The following RABGAP1 variants were observed in gnomAD, a reference collection of about 807,000 sequenced individuals.
RABGAP1 encodes RAB GTPase activating protein 1, also known as rab GTPase-activating protein 1.
Under a neutral mutation model 137.6 loss-of-function variants are expected in RABGAP1, and 23 were observed. The ratio of observed to expected loss-of-function variants is 0.17; its 90% confidence interval spans 0.12 to 0.24. The LOEUF (loss-of-function observed/expected upper bound fraction) is 0.24, where lower values mean the gene tolerates loss of function less well. Among genes scored for constraint, RABGAP1 ranks in the 10% least tolerant of loss-of-function variants. RABGAP1 has a pLI of 1.00. For missense variants in RABGAP1, 906 were observed against 1,275.8 expected (o/e 0.71, Z 4.42); for synonymous variants, 451 against 450.7 (o/e 1.00, Z -0.01).
At chr9:122,956,737 C>G (rs1343032587) in intron 1 of RABGAP1, among the ~76,000 whole-genome samples, 1 of 151,498 alleles carries the variant, frequency 6.6e-6, no homozygotes, top group Non-Finnish European at 1.5e-5. Flanking sequence ...TGCAACTTAG[C>G]CCAAAGAAAT....
chr9:123,070,444 T>C lies in RABGAP1; in HGVS notation c.1983+20T>C. 6.2e-7 allele frequency: 1 copy of C among 1,614,016 alleles called. No homozygotes were observed. The highest frequency in any genetic ancestry group is 8.5e-7 in the Non-Finnish European group (1 of 1,179,934). On this transcript the variant is annotated intron_variant, in intron 15 of 25. Transcript: ENST00000373647. The surrounding 1 kb of genome is among the most constrained non-coding windows in gnomAD (Gnocchi z 4.4). Reference sequence around the variant, plus strand: ...CTCCATGTGAGTAATTAGGTCTCTGTTATGACTTAACACATGGCCTCCCTC... The same window carrying C: ...CTCCATGTGAGTAATTAGGTCTCTGCTATGACTTAACACATGGCCTCCCTC...
Position 123,103,582 on chromosome 9 carries a change from AATATACAT to A in RABGAP1, c.*375_*382del, listed in dbSNP as rs1161328357. 1.3e-4 allele frequency: 5 copies of A among 38,090 alleles called. No individual in the cohort carries two copies. The highest frequency in any genetic ancestry group is 1.6e-4 in the African/African-American group (2 of 12,290). The allele number at this position is 38,090 out of a possible 1,614,324, so 2.4% of individuals were successfully genotyped here. A position where few individuals can be genotyped will look rare whatever the true frequency, so the allele number is the denominator to read the frequency against. The stretch of plus-strand genomic sequence containing the variant: ...TTTTTTTTCTAAACCTTTTTTTTTT[AATATACAT>A]ATATATATATATATATATATATATA... On this transcript the variant is annotated 3_prime_UTR_variant, in exon 26 of 26. Coordinates refer to ENST00000373647, the MANE Select transcript of RABGAP1 (RefSeq NM_012197.4).
At chr9:122,940,891 C>G (rs1332277546), upstream of RABGAP1, 1 of 152,320 alleles carries the variant, frequency 6.6e-6, no homozygotes, top group Non-Finnish European at 1.5e-5. Flanking sequence ...CTCCGCCTCG[C>G]TTCCCGGTAT....
At chr9:123,046,435 G>C in intron 13 of RABGAP1, among the ~76,000 whole-genome samples, 1 of 151,638 alleles carries the variant, frequency 6.6e-6, no homozygotes, top group South Asian at 2.1e-4. Flanking sequence ...TAAGGAGACT[G>C]TGTAATGTGT....
Position 123,027,113 on chromosome 9 carries a change from T to C in RABGAP1, c.1794+6654T>C, listed in dbSNP as rs553223959. Among the ~76,000 whole-genome samples the C allele has an allele frequency of 1.2e-3, 173 of 147,710 alleles. 1 individual carries two copies. The Middle Eastern group carries it at 0.017, about 15-fold the overall frequency. ...TACATTTCTTTCTTTCTTTTCTTTT[T>C]TTTTTTTTTTTTTTGAGACGGACTC... On this transcript the variant is annotated intron_variant, in intron 13 of 25. Transcript: ENST00000373647.
intron 24 of RABGAP1, 72 bp downstream of exon 24, chr9:123,099,621 G>T: frequency 7.5e-7 from 1 of 1,331,656 alleles, no homozygotes; most frequent in South Asian, 1.2e-5. Flanking sequence ...CAGGTTTTGG[G>T]AGGAGGCAGT....
chr9:123,051,958 A>ATTTT, intron 13 of RABGAP1, among the ~76,000 whole-genome samples: 1 of 130,670 alleles, frequency 7.7e-6, no homozygotes, highest in Non-Finnish European at 1.7e-5. Flanking sequence ...CGCCCGGCTA[A>ATTTT]TTTTTTTTTT....
At chr9:122,944,653 C>T (rs1282187929) in intron 1 of RABGAP1, among the ~76,000 whole-genome samples, 2 of 152,040 alleles carry the variant, frequency 1.3e-5, no homozygotes, top group Admixed American at 6.5e-5. Context: ...TCACTGCAAC[C>T]TCCGCCTTCC....
intron 13 of RABGAP1, among the ~76,000 whole-genome samples, chr9:123,045,040 G>C (rs1372678212): frequency 6.6e-6 from 1 of 152,182 alleles, no homozygotes; most frequent in Non-Finnish European, 1.5e-5. Context: ...TATTATGATT[G>C]TAGTTACTTA....
chr9:122,969,793 T>A (rs1244561140), intron 2 of RABGAP1, among the ~76,000 whole-genome samples: 2 of 152,182 alleles, frequency 1.3e-5, no homozygotes, highest in Non-Finnish European at 2.9e-5. Flanking sequence ...CTCAAACTCC[T>A]GGCCTCAAAT....
rs545691145 is a variant in RABGAP1, at chr9:122,968,817, G to A, written c.150+11608G>A. On this transcript the variant is annotated intron_variant, in intron 2 of 25. Coordinates refer to ENST00000373647, the MANE Select transcript of RABGAP1 (RefSeq NM_012197.4). ...CTTAGTAGAGACGGGGTTTTGCCAT[G>A]TAGGCCAGGCTGGTCTCGAACTCCT... is the stretch of plus-strand genomic sequence containing the variant. Among the ~76,000 whole-genome samples, 4 of 152,204 alleles carry A rather than the reference G, an allele frequency of 2.6e-5. 2 individuals carry two copies. In the South Asian group the frequency reaches 8.3e-4, roughly 32 times the overall value.
At chr9:123,035,454 C>T in intron 13 of RABGAP1, 1 of 1,614,166 alleles carries the variant, frequency 6.2e-7, no homozygotes, top group Non-Finnish European at 8.5e-7. Context: ...CTATTAGTAA[C>T]AGTTTCTGCA....
Position 122,957,093 on chromosome 9 carries a change from G to T in RABGAP1, c.34G>T (p.Val12Phe), listed in dbSNP as rs1013940107. Residue 12 changes from valine (V) to phenylalanine (F), a missense_variant, in exon 2 of 26, where the codon GTC becomes TTC. Transcript: ENST00000373647. The stretch of plus-strand genomic sequence containing the variant: ...CAAGGCTTCTGTTGGAAAAATCAGT[G>T]TCTCTTCAGACTCAGTATCTACTCT... ...DDKASVGKIS[V>F]SSDSVSTLNS... The T allele has an allele frequency of 2.0e-6, 3 of 1,528,858 alleles. No homozygotes were observed. Among genetic ancestry groups the T allele is most frequent in the Non-Finnish European group, 2.7e-6 (3 of 1,121,492 alleles). 94.7% of individuals were successfully genotyped at this position (1,528,858 alleles called of 1,614,324 possible). A position where few individuals can be genotyped will look rare whatever the true frequency, so the allele number is the denominator to read the frequency against.
At chr9:123,089,897 T>A in intron 20 of RABGAP1, 47 bp downstream of exon 20, 3 of 1,475,336 alleles carry the variant, frequency 2.0e-6, no homozygotes, top group Non-Finnish European at 2.8e-6. Flanking sequence ...ATGCTTTCAT[T>A]TCATATGATT....
chr9:123,035,639 CGTGTGT>C (rs5900552), intron 13 of RABGAP1: 37,945 of 731,190 alleles, frequency 0.052, 427 homozygotes, highest in East Asian at 0.086. Flanking sequence ...ACGGGGTTCC[CGTGTGT>C]GTGTGTGTGT....
At chr9:123,050,775 T>C (rs887992532) in intron 13 of RABGAP1, among the ~76,000 whole-genome samples, 9 of 152,186 alleles carry the variant, frequency 5.9e-5, no homozygotes, top group African/African-American at 2.2e-4. Context: ...GAGCTGCAGA[T>C]TTGATTCCGA....
At position 122,994,117 on chromosome 9, in the gene RABGAP1, A is replaced by G. The variant is rs981036423; in HGVS notation, c.924-1924A>G. On this transcript the variant is annotated intron_variant, in intron 6 of 25. Transcript: ENST00000373647. ...AATTAAGCCTGTACTTCAGTTTCTT[A>G]TTTTATACAATAGAAATTAAATACT... Among the ~76,000 whole-genome samples, 63 of 152,208 alleles carry G rather than the reference A, an allele frequency of 4.1e-4. 3 individuals are homozygous for G. The highest frequency in any genetic ancestry group is 2.9e-5 in the Non-Finnish European group (2 of 68,022).
chr9:123,090,499 C>T (rs2035003197), intron 21 of RABGAP1, 114 bp downstream of exon 21: 2 of 781,246 alleles, frequency 2.6e-6, no homozygotes, highest in East Asian at 6.0e-5. Flanking sequence ...AAGTTTCCCG[C>T]TTGTGATACA....
intron 13 of RABGAP1, among the ~76,000 whole-genome samples, chr9:123,051,830 C>T (rs1368727194): frequency 1.3e-5 from 2 of 151,098 alleles, no homozygotes; most frequent in African/African-American, 4.9e-5. Flanking sequence ...CTTGCTCTGT[C>T]ATCCAGGATG....
Sources: gnomAD v4.1 joint callset for allele counts (sites outside exome capture counted in the v4.1 genomes callset) on GRCh38, gnomAD v4.1.1 for gene constraint, Gnocchi (gnomAD v3.1) non-coding constraint, MANE v1.5 for transcripts, NCBI Gene and HGNC (gene_info 2026-07-23, HGNC 2026-07-21) for gene names.